STXBP5L: variants seen among roughly 807,000 people sequenced by gnomAD.
STXBP5L encodes the protein syntaxin binding protein 5L, also known as syntaxin-binding protein 5-like.
STXBP5L carries 65 observed loss-of-function variants against 144.5 expected under a neutral mutation model. The observed-to-expected ratio is 0.45, with a 90% CI of 0.37 to 0.55. The LOEUF is 0.55. Among genes scored for constraint, STXBP5L ranks in the 20% least tolerant of loss-of-function variants. The pLI is 0.00. For missense variants in STXBP5L, 1,298 were observed against 1,405.5 expected, an observed-to-expected ratio of 0.92 and a Z score of 1.22; for synonymous variants, 505 against 469.6, an observed-to-expected ratio of 1.08 and a Z score of -0.97.
rs145816388 is a variant in STXBP5L at position 120,995,805 on chromosome 3, A to G, written c.287+40768A>G. Reference sequence around the variant, plus strand: ...ATGACTTACGAAACTAATAAGAATTAGAATAGTTTATTATATTGAACCACA... The same window carrying G: ...ATGACTTACGAAACTAATAAGAATTGGAATAGTTTATTATATTGAACCACA... On this transcript the variant is annotated intron_variant, in intron 3 of 26. Transcript: ENST00000471454. 4.5e-3 allele frequency among the ~76,000 whole-genome samples: 692 copies of G among 152,290 alleles called. 4 individuals are homozygous for G. Among genetic ancestry groups the G allele is most frequent in the African/African-American group, 0.016 (660 of 41,582 alleles).
intron 18 of STXBP5L, among the ~76,000 whole-genome samples, chr3:121,277,040 T>G (rs1215224615): frequency 1.3e-5 from 2 of 152,014 alleles, no homozygotes; most frequent in Non-Finnish European, 2.9e-5. Flanking sequence ...TTCTTCAAGT[T>G]TACTGTCTTA....
At chr3:121,031,990 G>A (rs557824070) in intron 3 of STXBP5L, among the ~76,000 whole-genome samples, 3 of 152,066 alleles carry the variant, frequency 2.0e-5, no homozygotes, top group African/African-American at 7.2e-5. Flanking sequence ...AGTTTGTTAC[G>A]TGCTAAGTAT....
chr3:121,266,743 C>T (rs1204848368), intron 18 of STXBP5L, among the ~76,000 whole-genome samples: 2 of 152,076 alleles, frequency 1.3e-5, no homozygotes, highest in African/African-American at 4.8e-5. Flanking sequence ...GTCTCAGCCC[C>T]AAATCTCCTT....
intron 5 of STXBP5L, among the ~76,000 whole-genome samples, chr3:121,055,636 T>C (rs1440289505): frequency 1.3e-5 from 2 of 148,900 alleles, no homozygotes; most frequent in African/African-American, 2.5e-5. Context: ...TCAGCCTCCT[T>C]AGTGCTGGGA....
intron 8 of STXBP5L, among the ~76,000 whole-genome samples, chr3:121,154,827 T>G (rs1346307334): frequency 1.3e-5 from 2 of 151,798 alleles, no homozygotes; most frequent in African/African-American, 4.8e-5. Context: ...GGTTTTTAAG[T>G]CTTGTTTAGT....
At chr3:120,935,184 G>T (rs1426574508) in intron 2 of STXBP5L, among the ~76,000 whole-genome samples, 1 of 148,948 alleles carries the variant, frequency 6.7e-6, no homozygotes. Flanking sequence ...TTTTTTAGTG[G>T]TTGCCCTTAG....
chr3:121,078,607 G>A (rs775115876), intron 5 of STXBP5L, among the ~76,000 whole-genome samples: 34 of 152,244 alleles, frequency 2.2e-4, no homozygotes, highest in Non-Finnish European at 4.0e-4. Flanking sequence ...GGAGGCTTGG[G>A]CCACACAGGA....
chr3:120,993,570 T>G (rs1282274947), intron 3 of STXBP5L, among the ~76,000 whole-genome samples: 1 of 152,144 alleles, frequency 6.6e-6, no homozygotes, highest in East Asian at 1.9e-4. Flanking sequence ...GAGACTGTCC[T>G]TTCCCCATTG....
intron 22 of STXBP5L, among the ~76,000 whole-genome samples, chr3:121,405,834 C>T (rs2046983261): frequency 6.6e-6 from 1 of 152,028 alleles, no homozygotes; most frequent in Non-Finnish European, 1.5e-5. Context: ...AGAAACAAAG[C>T]AGCTGTTTTG....
At chr3:121,206,035 G>A (rs1218342752) in intron 10 of STXBP5L, 34 bp downstream of exon 10, 15 of 1,311,560 alleles carry the variant, frequency 1.1e-5, no homozygotes, top group Middle Eastern at 1.9e-4. Context: ...AGAGGGATAC[G>A]AAGCAGAGAC....
rs528571343 is a variant in STXBP5L at position 121,063,806 on chromosome 3, CT to C, written c.470+18272del. Among the ~76,000 whole-genome samples, 194 of 148,928 alleles carry C rather than the reference CT, an allele frequency of 1.3e-3. 2 individuals are homozygous for C. Among genetic ancestry groups the C allele is most frequent in the South Asian group, 4.5e-3 (21 of 4,710 alleles). On this transcript the variant is annotated intron_variant, in intron 5 of 26. Coordinates refer to ENST00000471454, the MANE Select transcript of STXBP5L (RefSeq NM_001308330.2). Reference sequence around the variant, plus strand: ...GTTTACACTGTCAGCAGAAAACCGCCTACTCAAGCTGAGTAATGGAGGACGC... The same window carrying C: ...GTTTACACTGTCAGCAGAAAACCGCCACTCAAGCTGAGTAATGGAGGACGC...
intron 3 of STXBP5L, among the ~76,000 whole-genome samples, chr3:120,981,396 T>C (rs539002892): frequency 4.3e-4 from 65 of 152,284 alleles, no homozygotes; most frequent in African/African-American, 1.5e-3. Context: ...TTTTATTCTT[T>C]AATTTTTTTT....
chr3:121,111,224 G>A (rs1027516250), intron 5 of STXBP5L, among the ~76,000 whole-genome samples: 3 of 152,146 alleles, frequency 2.0e-5, no homozygotes, highest in Non-Finnish European at 4.4e-5. Flanking sequence ...CCCACCTTCT[G>A]AAGCCTACTT....
chr3:121,330,511 C>T (rs1213181620), intron 20 of STXBP5L, among the ~76,000 whole-genome samples: 1 of 152,164 alleles, frequency 6.6e-6, no homozygotes, highest in Non-Finnish European at 1.5e-5. Context: ...AGGACAGAAA[C>T]TTTTGGGAGT....
chr3:121,234,655 T>G (rs567748202), intron 12 of STXBP5L, among the ~76,000 whole-genome samples: 1 of 151,926 alleles, frequency 6.6e-6, no homozygotes, highest in Non-Finnish European at 1.5e-5. Context: ...TGTTTGTAAA[T>G]GTAAGATCCA....
At chr3:121,134,407 C>CT (rs894451148) in intron 7 of STXBP5L, among the ~76,000 whole-genome samples, 16 of 151,430 alleles carry the variant, frequency 1.1e-4, no homozygotes, top group African/African-American at 2.2e-4. Flanking sequence ...GATTAAATTT[C>CT]TTTTTTTTTA....
chr3:120,990,281 C>G (rs754364986), intron 3 of STXBP5L, among the ~76,000 whole-genome samples: 12 of 152,166 alleles, frequency 7.9e-5, no homozygotes, highest in Non-Finnish European at 1.3e-4. Context: ...AGGAGAACTA[C>G]AAACCACTGC....
intron 19 of STXBP5L, among the ~76,000 whole-genome samples, chr3:121,310,300 CA>C (rs1253647782): frequency 6.6e-6 from 1 of 152,210 alleles, no homozygotes; most frequent in Non-Finnish European, 1.5e-5. Context: ...TTCTGCTCAT[CA>C]AAAGGCACTA....
At chr3:121,185,453 C>G (rs897746387) in intron 9 of STXBP5L, among the ~76,000 whole-genome samples, 1 of 152,174 alleles carries the variant, frequency 6.6e-6, no homozygotes, top group South Asian at 2.1e-4. Context: ...AGTCTTTAAT[C>G]CATCTTGAAT....
Sources: gnomAD v4.1 joint callset for allele counts (sites outside exome capture counted in the v4.1 genomes callset) on GRCh38, gnomAD v4.1.1 for gene constraint, MANE v1.5 for transcripts, NCBI Gene and HGNC (gene_info 2026-07-23, HGNC 2026-07-21) for gene names.